The following UNC5D variants were observed in gnomAD, a reference collection of about 807,000 sequenced individuals.
UNC5D encodes netrin receptor UNC5D.
UNC5D carries 39 observed loss-of-function variants against 105.4 expected under a neutral mutation model. That is an observed-to-expected ratio of 0.37 (90% CI 0.29 to 0.48). UNC5D has a LOEUF of 0.48. UNC5D is among the 20% of genes least tolerant of loss of function. UNC5D has a pLI of 0.98. For synonymous variants in UNC5D, 452 were observed against 450.4 expected, an observed-to-expected ratio of 1.00 and a Z score of -0.04; for missense variants, 991 against 1,202.4, an observed-to-expected ratio of 0.82 and a Z score of 2.60.
chr8:35,506,280 AAAAT>A (rs572096362), intron 1 of UNC5D, among the ~76,000 whole-genome samples: 2 of 152,224 alleles, frequency 1.3e-5, no homozygotes, highest in Non-Finnish European at 2.9e-5. Flanking sequence ...TCAGAAGAGA[AAAAT>A]AAACACTTTT....
At chr8:35,690,232 T>C (rs1443244482) in intron 7 of UNC5D, among the ~76,000 whole-genome samples, 1 of 152,198 alleles carries the variant, frequency 6.6e-6, no homozygotes, top group Non-Finnish European at 1.5e-5. Flanking sequence ...ATTGATGTAA[T>C]TGAGATATAT....
At chr8:35,440,588 C>T (rs1241944668) in intron 1 of UNC5D, among the ~76,000 whole-genome samples, 2 of 151,980 alleles carry the variant, frequency 1.3e-5, no homozygotes, top group Non-Finnish European at 2.9e-5. Context: ...AAGTACCTAA[C>T]TAGCATGCTA....
chr8:35,452,534 G>A (rs2128992052), intron 1 of UNC5D, among the ~76,000 whole-genome samples: 2 of 152,236 alleles, frequency 1.3e-5, no homozygotes, highest in East Asian at 1.9e-4. Context: ...AAAGTGCTGG[G>A]ATTACAGGCG....
At chr8:35,238,400 C>T (rs1005843721) in intron 1 of UNC5D, among the ~76,000 whole-genome samples, 1 of 152,198 alleles carries the variant, frequency 6.6e-6, no homozygotes, top group Non-Finnish European at 1.5e-5. Context: ...TGTTTCCCTC[C>T]TTTGTAAGTA....
At chr8:35,482,034 A>G (rs1020849879) in intron 1 of UNC5D, among the ~76,000 whole-genome samples, 1 of 152,222 alleles carries the variant, frequency 6.6e-6, no homozygotes. Context: ...GATAGATGAT[A>G]GATAGTGTGT....
intron 1 of UNC5D, among the ~76,000 whole-genome samples, chr8:35,476,221 A>C (rs1441844127): frequency 2.0e-5 from 3 of 152,138 alleles, no homozygotes; most frequent in African/African-American, 7.2e-5. Flanking sequence ...ACTCTACTGC[A>C]AACAAAAGTC....
At chr8:35,470,185 T>A (rs1809599757) in intron 1 of UNC5D, among the ~76,000 whole-genome samples, 1 of 152,194 alleles carries the variant, frequency 6.6e-6, no homozygotes, top group Non-Finnish European at 1.5e-5. Flanking sequence ...TAATTACAGT[T>A]CATTTAGGCA....
At chr8:35,481,149 T>G (rs1051415669) in intron 1 of UNC5D, among the ~76,000 whole-genome samples, 1 of 152,222 alleles carries the variant, frequency 6.6e-6, no homozygotes, top group Non-Finnish European at 1.5e-5. Flanking sequence ...GCTGAGCACA[T>G]ATTTTATTGG....
At chr8:35,613,641 G>A (rs1364855556) in intron 4 of UNC5D, among the ~76,000 whole-genome samples, 1 of 152,086 alleles carries the variant, frequency 6.6e-6, no homozygotes, top group Non-Finnish European at 1.5e-5. Flanking sequence ...TTGAGGCCAG[G>A]AGTACAAGAC....
intron 1 of UNC5D, among the ~76,000 whole-genome samples, chr8:35,367,237 C>A (rs1528719): frequency 0.44 from 66,305 of 151,960 alleles, 14,751 homozygotes; most frequent in East Asian, 0.7. Context: ...TACCTACCCA[C>A]CTACTTGCCT....
intron 1 of UNC5D, among the ~76,000 whole-genome samples, chr8:35,363,920 C>A (rs1026548519): frequency 6.6e-6 from 1 of 152,124 alleles, no homozygotes; most frequent in Non-Finnish European, 1.5e-5. Flanking sequence ...TGGTGACTTA[C>A]AGCTGTAGTC....
chr8:35,392,479 A>G (rs1383501649), intron 1 of UNC5D, among the ~76,000 whole-genome samples: 1 of 152,114 alleles, frequency 6.6e-6, no homozygotes, highest in Non-Finnish European at 1.5e-5. Flanking sequence ...TTGCCTTTCA[A>G]AAGCGCTGGG....
At chr8:35,613,893 C>T (rs1820853384) in intron 4 of UNC5D, among the ~76,000 whole-genome samples, 1 of 152,138 alleles carries the variant, frequency 6.6e-6, no homozygotes, top group Non-Finnish European at 1.5e-5. Context: ...CCTATGCCAT[C>T]TCTTATTACT....
chr8:35,634,888 C>A (rs924996378), intron 4 of UNC5D, among the ~76,000 whole-genome samples: 2 of 151,966 alleles, frequency 1.3e-5, no homozygotes, highest in South Asian at 2.1e-4. Context: ...TGCCTCAGCT[C>A]CTGAGTAGCT....
At chr8:35,241,544 G>A (rs1802805812) in intron 1 of UNC5D, among the ~76,000 whole-genome samples, 1 of 151,998 alleles carries the variant, frequency 6.6e-6, no homozygotes, top group Non-Finnish European at 1.5e-5. Flanking sequence ...GATGATATCA[G>A]GCCACTATAG....
At chr8:35,712,627 G>C (rs1369053233) in intron 8 of UNC5D, among the ~76,000 whole-genome samples, 1 of 152,166 alleles carries the variant, frequency 6.6e-6, no homozygotes, top group Admixed American at 6.5e-5. Context: ...AAAATGCAGA[G>C]GGTTCATTCA....
chr8:35,634,127 T>G (rs974690519), intron 4 of UNC5D, among the ~76,000 whole-genome samples: 3 of 152,332 alleles, frequency 2.0e-5, no homozygotes, highest in Non-Finnish European at 2.9e-5. Context: ...TGTCTATCTC[T>G]GTAGGGTGTT....
At chr8:35,239,219 C>T (rs1228067597) in intron 1 of UNC5D, among the ~76,000 whole-genome samples, 1 of 152,132 alleles carries the variant, frequency 6.6e-6, no homozygotes, top group Non-Finnish European at 1.5e-5. Flanking sequence ...GTCTGTGGTT[C>T]TTTAAGTAGT....
chr8:35,507,957 C>T (rs1287235789), intron 1 of UNC5D, among the ~76,000 whole-genome samples: 1 of 152,148 alleles, frequency 6.6e-6, no homozygotes, highest in African/African-American at 2.4e-5. Flanking sequence ...TACCAAGAAA[C>T]CTTGCTTTTG....
Sources: allele counts gnomAD v4.1 joint callset (sites outside exome capture counted in the v4.1 genomes callset), GRCh38; gene constraint gnomAD v4.1.1; transcripts MANE v1.5; gene names NCBI Gene and HGNC (gene_info 2026-07-23, HGNC 2026-07-21).